The following MBD3 variants were observed in gnomAD, a reference collection of about 807,000 sequenced individuals.
MBD3 encodes methyl-CpG-binding domain protein 3.
In MBD3, 13 loss-of-function variants were observed where a neutral mutation model predicts 31.2. That is an observed-to-expected ratio of 0.42 (90% CI 0.27 to 0.66). The LOEUF (loss-of-function observed/expected upper bound fraction) is 0.66. Ranked by LOEUF, MBD3 falls within the 30% of genes least tolerant of loss-of-function variation. The probability of loss-of-function intolerance (pLI) is 0.26; values close to 1 mark genes in which losing one functional copy is unlikely to be tolerated. For missense variants in MBD3, 440 were observed against 426.5 expected (o/e 1.03, Z -0.28); for synonymous variants, 223 against 187.4 (o/e 1.19, Z -1.55).
At chr19:1,580,929 C>T (rs1273107099) in intron 5 of MBD3, among the ~76,000 whole-genome samples, 163 bp downstream of exon 5, 1 of 152,226 alleles carries the variant, frequency 6.6e-6, no homozygotes, top group Non-Finnish European at 1.5e-5. Flanking sequence ...TGAAACGGTT[C>T]ATACTGCTCC....
Position 1,579,431 on chromosome 19 carries a change from C to T in MBD3, c.678-893G>A, listed in dbSNP as rs1238874337. Reference sequence around the variant, plus strand: ...CTGATGCCAGGCACTCCAGGGTGGCCGCTCCTCTGCCTGCCGCCTCCGGGG... The same window carrying T: ...CTGATGCCAGGCACTCCAGGGTGGCTGCTCCTCTGCCTGCCGCCTCCGGGG... On this transcript the variant is annotated intron_variant, in intron 5 of 6. Transcript: ENST00000434436. Among the ~76,000 whole-genome samples, 4 of 152,082 alleles carry T rather than the reference C, an allele frequency of 2.6e-5. 1 individual carries two copies. The East Asian group carries it at 7.7e-4, about 29-fold the overall frequency.
In MBD3 at chr19:1,592,688, C is replaced by G; in HGVS notation, c.-57G>C. Reference sequence around the variant, plus strand: ...CGCCGCCGCCGCCCGGACCCCCACTCGCCGCCGCCGCCTCAGCTGCCTCCG... The same window carrying G: ...CGCCGCCGCCGCCCGGACCCCCACTGGCCGCCGCCGCCTCAGCTGCCTCCG... On this transcript the variant is annotated 5_prime_UTR_variant, in exon 1 of 7. Coordinates refer to ENST00000434436, the MANE Select transcript of MBD3 (RefSeq NM_001281453.2). 3.4e-6 allele frequency: 2 copies of G among 595,490 alleles called. No homozygotes were observed. The highest frequency in any genetic ancestry group is 4.3e-6 in the Non-Finnish European group (2 of 459,782). 36.9% of individuals were successfully genotyped at this position (595,490 alleles called of 1,614,324 possible).
At chr19:1,589,660 A>G (rs539220130) in intron 1 of MBD3, among the ~76,000 whole-genome samples, 1 of 152,154 alleles carries the variant, frequency 6.6e-6, no homozygotes, top group South Asian at 2.1e-4. Flanking sequence ...CTCAAAATAA[A>G]TAAATAATAA....
At chr19:1,588,691 T>C (rs1416671176) in intron 1 of MBD3, among the ~76,000 whole-genome samples, 1 of 148,164 alleles carries the variant, frequency 6.7e-6, no homozygotes, top group Admixed American at 6.9e-5. Flanking sequence ...TGACGCAGAA[T>C]TGGGTTGAAC....
In MBD3 at chr19:1,586,641, T is replaced by C. The variant is rs528411680; in HGVS notation, c.111-1427A>G. 5.3e-5 allele frequency among the ~76,000 whole-genome samples: 8 copies of C among 150,000 alleles called. No homozygotes were observed. The East Asian group carries it at 1.6e-3, about 29-fold the overall frequency. On this transcript the variant is annotated intron_variant, in intron 1 of 6. Transcript: ENST00000434436. ...CTTCCACCTTAGTCTCCCAAGTAGC[T>C]AGGACGACAGGCACAAGCCACCACG...
rs1917329438 is a variant in MBD3 at position 1,580,590 on chromosome 19, C to A, written c.677+502G>T. 5.9e-5 allele frequency among the ~76,000 whole-genome samples: 9 copies of A among 152,394 alleles called. No homozygotes were observed. The South Asian group carries it at 1.9e-3, about 32-fold the overall frequency. Reference sequence around the variant, plus strand: ...CAGGCGGCCTTGCGTCCACTCTGCACACTGGAAGTGGGTTCGGCCCTGAGG... The same window carrying A: ...CAGGCGGCCTTGCGTCCACTCTGCAAACTGGAAGTGGGTTCGGCCCTGAGG... On this transcript the variant is annotated intron_variant, in intron 5 of 6. Transcript: ENST00000434436.
In MBD3 at chr19:1,585,145, G is replaced by A; in HGVS notation, c.180C>T (p.Ser60=). 6.2e-7 allele frequency: 1 copy of A among 1,611,290 alleles called. No individual in the cohort carries two copies. Among genetic ancestry groups the A allele is most frequent in the Non-Finnish European group, 8.5e-7 (1 of 1,179,470 alleles). ...TCTTGCCCGTGCGGAAGTCGAAGGT[G>A]CTCAGGTCCATGGAGCCGCCCAGGT... is the stretch of plus-strand genomic sequence containing the variant. ...ARYLGGSMDL[S]TFDFRTGKML... Residue 60 remains serine, a synonymous_variant, in exon 2 of 7, where the codon AGC becomes AGT. Transcript: ENST00000434436. The surrounding 1 kb of genome is among the most constrained non-coding windows in gnomAD (Gnocchi z 4.1).
Position 1,578,558 on chromosome 19 carries a change from G to A in MBD3, c.678-20C>T. 2 of 1,611,096 alleles carry A rather than the reference G, an allele frequency of 1.2e-6. No individual in the cohort carries two copies. The highest frequency in any genetic ancestry group is 1.7e-6 in the Non-Finnish European group (2 of 1,179,902). On this transcript the variant is annotated intron_variant, in intron 5 of 6. Coordinates refer to ENST00000434436, the MANE Select transcript of MBD3 (RefSeq NM_001281453.2). This position sits in a 1 kb window ranked among gnomAD's most constrained non-coding sequence, Gnocchi z 6.1. ...TGCTTCCTGGGGACACATGGACCTTGCGTTACACCAAGGTGAGCGGCCAGC... is the reference window on the plus strand; with the variant it reads ...TGCTTCCTGGGGACACATGGACCTTACGTTACACCAAGGTGAGCGGCCAGC...
Position 1,585,194 on chromosome 19 carries a change from C to A in MBD3, c.131G>T (p.Arg44Leu). The stretch of plus-strand genomic sequence containing the variant: ...GTAGCGCGCCAGCTGCGGCTTGCTG[C>A]GGAACTTCTTCCCGCTCGGGCTGCG... ...FYYSPSGKKF[R>L]SKPQLARYLG... The change falls in exon 2 of 7, where the codon CGC becomes CTC. Residue 44 changes from arginine (R) to leucine (L), a missense_variant. Transcript: ENST00000434436. This position sits in a 1 kb window ranked among gnomAD's most constrained non-coding sequence, Gnocchi z 4.1. The A allele has an allele frequency of 6.2e-7, 1 of 1,603,012 alleles. No individual in the cohort carries two copies. The highest frequency in any genetic ancestry group is 8.5e-7 in the Non-Finnish European group (1 of 1,178,420).
At position 1,589,166 on chromosome 19, in the gene MBD3, G is replaced by T. The variant is rs192442615; in HGVS notation, c.110+3356C>A. ...GACCAACATGGTGAAACCCCATCTCGACTAAAAATACAAAAGTAGCCGGGC... is the reference window on the plus strand; with the variant it reads ...GACCAACATGGTGAAACCCCATCTCTACTAAAAATACAAAAGTAGCCGGGC... On this transcript the variant is annotated intron_variant, in intron 1 of 6. Transcript: ENST00000434436. 1.5e-3 allele frequency among the ~76,000 whole-genome samples: 220 copies of T among 142,246 alleles called. 1 individual carries two copies. Among genetic ancestry groups the T allele is most frequent in the African/African-American group, 5.5e-3 (212 of 38,218 alleles). The allele number at this position is 142,246 out of a possible 152,430, so 93.3% of individuals were successfully genotyped here. A position where few individuals can be genotyped will look rare whatever the true frequency, so the allele number is the denominator to read the frequency against.
Position 1,574,923 on chromosome 19 carries a change from C to T in MBD3, c.*3241G>A, listed in dbSNP as rs1389536663. The T allele has an allele frequency of 6.5e-6, 2 of 308,726 alleles. No homozygotes were observed. The highest frequency in any genetic ancestry group is 9.0e-5 in the Admixed American group (2 of 22,306). The allele number at this position is 308,726 out of a possible 1,614,324, so 19.1% of individuals were successfully genotyped here. A position where few individuals can be genotyped will look rare whatever the true frequency, so the allele number is the denominator to read the frequency against. On this transcript the variant is annotated 3_prime_UTR_variant, in exon 7 of 7. Coordinates refer to ENST00000434436, the MANE Select transcript of MBD3 (RefSeq NM_001281453.2). ...GGCTGCAGGGACAGCAAGGCACGGGCCCTGGGTGTGGCAGGAGAGGCATGA... is the reference window on the plus strand; with the variant it reads ...GGCTGCAGGGACAGCAAGGCACGGGTCCTGGGTGTGGCAGGAGAGGCATGA...
Position 1,581,218 on chromosome 19 carries a change from G to A in MBD3, c.551C>T (p.Ala184Val). 6.2e-7 allele frequency: 1 copy of A among 1,613,418 alleles called. No homozygotes were observed. The highest frequency in any genetic ancestry group is 8.5e-7 in the Non-Finnish European group (1 of 1,180,008). The stretch of plus-strand genomic sequence containing the variant: ...GATGGGCATGGTGCTAGTGTGCAGG[G>A]CGCTGGCGATGGCCGACAGCAGCGT... Reference protein sequence around the residue: ...DETLLSAIASALHTSTMPITG... With the variant: ...DETLLSAIASVLHTSTMPITG... The change falls in exon 5 of 7, where the codon GCC becomes GTC. Residue 184 changes from alanine to valine, a missense_variant. Transcript: ENST00000434436.
chr19:1,577,656 C>G lies in MBD3; in HGVS notation c.*508G>C, dbSNP rs1917234014. ...CTCTGTGGCACCACCAGCCGCATGG[C>G]AGGGCAGAGAGTGGCGCCGTCCTGC... is the stretch of plus-strand genomic sequence containing the variant. On this transcript the variant is annotated 3_prime_UTR_variant, in exon 7 of 7. Transcript: ENST00000434436. 2 of 153,344 alleles carry G rather than the reference C, an allele frequency of 1.3e-5. No homozygotes were observed. Among genetic ancestry groups the G allele is most frequent in the Admixed American group, 1.3e-4 (2 of 15,410 alleles). The allele number at this position is 153,344 out of a possible 1,614,324, so 9.5% of individuals were successfully genotyped here. A position where few individuals can be genotyped will look rare whatever the true frequency, so the allele number is the denominator to read the frequency against.
Position 1,581,230 on chromosome 19 carries a change from G to A in MBD3, c.539C>T (p.Ala180Val). 2.5e-6 allele frequency: 4 copies of A among 1,612,150 alleles called. No individual in the cohort carries two copies. Among genetic ancestry groups the A allele is most frequent in the Non-Finnish European group, 3.4e-6 (4 of 1,179,986 alleles). The change falls in exon 5 of 7, where the codon GCC becomes GTC. Residue 180 changes from alanine to valine, a missense_variant. Ala to Val is a moderately conservative substitution (Grantham distance 64, BLOSUM62 0). This residue lies in a region of MBD3 where 144 missense variants were observed against 196.9 expected (regional missense o/e 0.73). Coordinates refer to ENST00000434436, the MANE Select transcript of MBD3 (RefSeq NM_001281453.2). ...PGCTDETLLSAIASALHTSTM... is the reference protein window; with the variant it reads ...PGCTDETLLSVIASALHTSTM... ...GCTAGTGTGCAGGGCGCTGGCGATG[G>A]CCGACAGCAGCGTCTCATCCGTGCA...
rs148809364 is a variant in MBD3, at chr19:1,578,393, C to G, written c.823G>C (p.Glu275Gln). Reference protein sequence around the residue: ...ACAEDDDEEDEEEEEEEPDPD... With the variant: ...ACAEDDDEEDQEEEEEEPDPD... ...TCGGGCTCCTCCTCCTCCTCCTCCT[C>G]GTCTTCCTCGTCGTCGTCCTCAGCG... The change falls in exon 6 of 7, where the codon GAG (glutamate) becomes CAG (glutamine). Residue 275 changes from glutamate (E) to glutamine (Q), a missense_variant. By Grantham distance (29) the Glu-to-Gln change is conservative (BLOSUM62 2). This residue lies in a region of MBD3 where 117 missense variants were observed against 95.0 expected (regional missense o/e 1.23). Transcript: ENST00000434436. This position sits in a 1 kb window ranked among gnomAD's most constrained non-coding sequence, Gnocchi z 6.1. The G allele has an allele frequency of 6.2e-7, 1 of 1,603,818 alleles. No individual in the cohort carries two copies. The highest frequency in any genetic ancestry group is 8.5e-7 in the Non-Finnish European group (1 of 1,179,684).
Position 1,577,979 on chromosome 19 carries a change from C to A in MBD3, c.*185G>T. The A allele has an allele frequency of 2.4e-6, 1 of 409,062 alleles. No homozygotes were observed. Among genetic ancestry groups the A allele is most frequent in the Admixed American group, 3.8e-5 (1 of 26,098 alleles). The allele number at this position is 409,062 out of a possible 1,614,324, so 25.3% of individuals were successfully genotyped here. A position where few individuals can be genotyped will look rare whatever the true frequency, so the allele number is the denominator to read the frequency against. On this transcript the variant is annotated 3_prime_UTR_variant, in exon 7 of 7. Coordinates refer to ENST00000434436, the MANE Select transcript of MBD3 (RefSeq NM_001281453.2). ...TGGAGGGTCTTTCGGGTGGGGGCAG[C>A]CCCAGCTGTGTGCCCCGAGGCCCCG... is the stretch of plus-strand genomic sequence containing the variant.
chr19:1,592,393 G>GACGCACGC (rs546279272), intron 1 of MBD3, 129 bp downstream of exon 1: 16 of 222,062 alleles, frequency 7.2e-5, no homozygotes, highest in South Asian at 1.6e-4. Flanking sequence ...ACGCACGCAA[G>GACGCACGC]ACGCACGCAC....
intron 1 of MBD3, among the ~76,000 whole-genome samples, chr19:1,588,910 G>T (rs1282552302): frequency 6.6e-6 from 1 of 152,092 alleles, no homozygotes; most frequent in South Asian, 2.1e-4. Context: ...TAGGGTGATG[G>T]AAATTCTAAA....
chr19:1,592,369 C>G (rs1460552185), intron 1 of MBD3, 153 bp downstream of exon 1: 1 of 187,040 alleles, frequency 5.3e-6, no homozygotes, highest in Admixed American at 6.2e-5. Context: ...TGGGCCTCCG[C>G]GCGCCGGGCG....
Sources: gnomAD v4.1 joint callset for allele counts (sites outside exome capture counted in the v4.1 genomes callset) on GRCh38, gnomAD v4.1.1 for gene constraint, gnomAD v4.1.1 regional missense constraint, Gnocchi (gnomAD v3.1) non-coding constraint, MANE v1.5 for transcripts, NCBI Gene and HGNC (gene_info 2026-07-23, HGNC 2026-07-21) for gene names.